ADAD2: variants seen among roughly 807,000 people sequenced by gnomAD.
ADAD2 encodes adenosine deaminase domain containing 2.
ADAD2 carries 60 observed loss-of-function variants against 54.5 expected under a neutral mutation model. The observed-to-expected ratio is 1.10, with a 90% CI of 0.89 to 1.36. ADAD2 has a LOEUF of 1.36. ADAD2 is among the 40% of genes most tolerant of loss of function. The pLI, the probability that ADAD2 is intolerant of heterozygous loss-of-function variation, is 0.00. For missense variants in ADAD2, 1,103 were observed against 801.3 expected (o/e 1.38, Z -4.54); for synonymous variants, 543 against 366.2 (o/e 1.48, Z -5.51).
At chr16:84,191,831 T>TC (rs1372586493) in intron 1 of ADAD2, 183 bp downstream of exon 1, 1 of 851,850 alleles carries the variant, frequency 1.2e-6, no homozygotes, top group Non-Finnish European at 1.9e-6. Flanking sequence ...AGCAGCGATC[T>TC]CCAAGGATCA....
chr16:84,194,051 C>G, intron 1 of ADAD2: 1 of 1,607,578 alleles, frequency 6.2e-7, no homozygotes, highest in Admixed American at 1.7e-5. Context: ...GAATTGAAAG[C>G]AATGTGTCTG....
Position 84,194,561 on chromosome 16 carries a change from CG to C in ADAD2, c.540del (p.Ser181ValfsTer20). The part of the protein sequence containing the change: ...QAALSALCYI[R>X]SQLENPESPQ... ...AGCGCTCTCTGCCCTCTGCTACATC[CG>C]GAGTCAGCTGGAGAACCCAGGTAAT... On this transcript the variant is annotated frameshift_variant, in exon 2 of 10. Transcript: ENST00000315906. LOFTEE classifies it high-confidence loss of function. The C allele has an allele frequency of 6.2e-7, 1 of 1,607,086 alleles. No homozygotes were observed. Among genetic ancestry groups the C allele is most frequent in the South Asian group, 1.1e-5 (1 of 89,528 alleles).
chr16:84,191,931 A>G lies in ADAD2; in HGVS notation c.418+283A>G, dbSNP rs1385104635. ...TCCAGGGAGGTTAAGGCCCCCTGGT[A>G]TTTCTGTATACGTTTTTAGAGCCAC... On this transcript the variant is annotated intron_variant, in intron 1 of 9. Transcript: ENST00000315906. 2.3e-5 allele frequency: 13 copies of G among 558,174 alleles called. No homozygotes were observed. The East Asian group carries it at 4.1e-4, about 18-fold the overall frequency. 34.6% of individuals were successfully genotyped at this position (558,174 alleles called of 1,614,324 possible).
chr16:84,195,740 G>T, intron 6 of ADAD2, 43 bp downstream of exon 6: 1 of 1,531,230 alleles, frequency 6.5e-7, no homozygotes. Flanking sequence ...GGGCTCCCTC[G>T]GTTGGGCTGC....
rs755121113 is a variant in ADAD2, at chr16:84,191,569, C to T, written c.339C>T (p.Ala113=). 8 of 1,549,162 alleles carry T rather than the reference C, an allele frequency of 5.2e-6. No homozygotes were observed. Among genetic ancestry groups the T allele is most frequent in the African/African-American group, 2.7e-5 (2 of 73,060 alleles). The stretch of plus-strand genomic sequence containing the variant: ...GCCTGCCGCTCAAAGACCCACCTGC[C>T]AGCCAGGCCGTGTCCTTGCTCACGG... ...GLSLPLKDPP[A]SQAVSLLTEY... The change falls in exon 1 of 10, where the codon GCC becomes GCT. Residue 113 remains alanine (A), a synonymous_variant. Coordinates refer to ENST00000315906, the MANE Select transcript of ADAD2 (RefSeq NM_001145400.2).
At position 84,195,570 on chromosome 16, in the gene ADAD2, C is replaced by T; in HGVS notation, c.925C>T (p.Pro309Ser). 6.2e-7 allele frequency: 1 copy of T among 1,601,060 alleles called. No individual in the cohort carries two copies. The highest frequency in any genetic ancestry group is 8.5e-7 in the Non-Finnish European group (1 of 1,173,948). The change falls in exon 6 of 10, where the codon CCC (proline) becomes TCC (serine). Residue 309 changes from proline (P) to serine (S), a missense_variant. Transcript: ENST00000315906. ...GCTCCTGCTGGCCACACAGGGGGGC[C>T]CCAAGGGCAAGGAGCAGTCCGTGCT... ...RQLLLATQGG[P>S]KGKEQSVLAP...
In ADAD2 at chr16:84,195,272, C is replaced by A; in HGVS notation, c.734-24C>A. The stretch of plus-strand genomic sequence containing the variant: ...CTCAAGCTCCTTGCCTTAGGCTGGG[C>A]CGTCTCTGCCCCCTCCTGCACAGAG... On this transcript the variant is annotated intron_variant, in intron 4 of 9. Transcript: ENST00000315906. The A allele has an allele frequency of 1.9e-6, 3 of 1,611,824 alleles. No homozygotes were observed. Among genetic ancestry groups the A allele is most frequent in the Non-Finnish European group, 2.5e-6 (3 of 1,179,576 alleles).
Position 84,196,202 on chromosome 16 carries a change from C to T in ADAD2, c.1358C>T (p.Pro453Leu). 6.2e-7 allele frequency: 1 copy of T among 1,610,134 alleles called. No homozygotes were observed. The highest frequency in any genetic ancestry group is 1.1e-5 in the South Asian group (1 of 91,078). Residue 453 changes from proline to leucine, a missense_variant, in exon 8 of 10, where the codon CCA (proline) becomes CTA (leucine). Coordinates refer to ENST00000315906, the MANE Select transcript of ADAD2 (RefSeq NM_001145400.2). ...CCCTGCCTGGACAGTGTCCTGGGGC[C>T]ATGCCTGCCACCTCCCTACGTCCGG... ...TRPCLDSVLG[P>L]CLPPPYVRTA... is the part of the protein sequence containing the mutation.
chr16:84,196,310 G>A lies in ADAD2; in HGVS notation c.1466G>A (p.Trp489Ter). The change falls in exon 8 of 10, where the codon TGG (tryptophan) becomes TAG (stop). Residue 489 changes from tryptophan to a stop codon, truncating the protein, a stop_gained. Coordinates refer to ENST00000315906, the MANE Select transcript of ADAD2 (RefSeq NM_001145400.2). LOFTEE classifies it high-confidence loss of function. ...PDTCRGLSLN[W>*]SLGDPGIEVV... ...ACCTGCCGTGGCCTGAGCCTCAACT[G>A]GAGCCTGGGGGACCCTGGCATCGAG... The A allele has an allele frequency of 6.2e-7, 1 of 1,612,992 alleles. No individual in the cohort carries two copies. The highest frequency in any genetic ancestry group is 8.5e-7 in the Non-Finnish European group (1 of 1,179,986).
rs1311192490 is a variant in ADAD2, at chr16:84,197,015, A to C, written c.*41A>C. ...GACCGAGGTCCCGGAGCCAAGCTGT[A>C]CCCCTGCTGGGGGAGTGCCCTATCT... On this transcript the variant is annotated 3_prime_UTR_variant, in exon 10 of 10. Transcript: ENST00000315906. 3 of 1,546,604 alleles carry C rather than the reference A, an allele frequency of 1.9e-6. No homozygotes were observed. The Admixed American group carries it at 5.9e-5, about 30-fold the overall frequency.
intron 1 of ADAD2, chr16:84,193,791 C>G (rs747111154): frequency 4.3e-6 from 2 of 465,974 alleles, no homozygotes; most frequent in African/African-American, 1.9e-5. Context: ...GGTTTTGATG[C>G]CTGTTTAGAG....
chr16:84,195,337 C>A lies in ADAD2; in HGVS notation c.775C>A (p.Leu259Met), dbSNP rs2089713629. Residue 259 changes from leucine (L) to methionine (M), a missense_variant, in exon 5 of 10, where the codon CTG (leucine) becomes ATG (methionine). Leu to Met is a conservative substitution (Grantham distance 15, BLOSUM62 2). Coordinates refer to ENST00000315906, the MANE Select transcript of ADAD2 (RefSeq NM_001145400.2). Reference protein sequence around the residue: ...ARGHVKEIYKLVALGTGSSCC... With the variant: ...ARGHVKEIYKMVALGTGSSCC... ...GGGCCACGTGAAGGAGATCTACAAG[C>A]TGGTGGCTCTGGGCACCGGCAGCAG... The A allele has an allele frequency of 6.2e-7, 1 of 1,610,556 alleles. No individual in the cohort carries two copies. Among genetic ancestry groups the A allele is most frequent in the African/African-American group, 1.3e-5 (1 of 74,932 alleles).
chr16:84,195,652 A>T lies in ADAD2; in HGVS notation c.1007A>T (p.His336Leu). The change falls in exon 6 of 10, where the codon CAC (histidine) becomes CTC (leucine). Residue 336 changes from histidine to leucine, a missense_variant. By Grantham distance (99) the His-to-Leu change is moderately conservative. Transcript: ENST00000315906. ...PFTLKPRVFL[H>L]LYISNTPKGA... ...ACCCTCAAGCCCCGCGTCTTCCTGCACCTCTACATCAGCAACACCCCCAAG... is the reference window on the plus strand; with the variant it reads ...ACCCTCAAGCCCCGCGTCTTCCTGCTCCTCTACATCAGCAACACCCCCAAG... The T allele has an allele frequency of 6.3e-7, 1 of 1,594,942 alleles. No individual in the cohort carries two copies. Among genetic ancestry groups the T allele is most frequent in the Non-Finnish European group, 8.5e-7 (1 of 1,172,216 alleles).
Position 84,196,161 on chromosome 16 carries a change from G to A in ADAD2, c.1317G>A (p.Arg439=). The change falls in exon 8 of 10, where the codon AGG becomes AGA. Residue 439 remains arginine (R), a synonymous_variant. Transcript: ENST00000315906. The part of the protein sequence containing the change: ...DSCHDPPTLS[R]AIHTRPCLDS... ...GCCACGACCCTCCGACTCTGAGCAG[G>A]GCCATCCACACCCGGCCCTGCCTGG... is the stretch of plus-strand genomic sequence containing the variant. The A allele has an allele frequency of 6.2e-7, 1 of 1,606,266 alleles. No homozygotes were observed. The highest frequency in any genetic ancestry group is 8.5e-7 in the Non-Finnish European group (1 of 1,179,874).
chr16:84,195,445 A>AG lies in ADAD2; in HGVS notation c.884+1dup. ...GGTCATCGCCCGCAGGGCCCTGCTG[A>AG]GGTGAGGGGCAGTGGGGTGGGCGCC... On this transcript the variant is annotated frameshift_variant and splice_region_variant, in exon 5 of 10. Transcript: ENST00000315906. LOFTEE classifies it high-confidence loss of function. 6.2e-7 allele frequency: 1 copy of AG among 1,609,548 alleles called. No individual in the cohort carries two copies. The highest frequency in any genetic ancestry group is 8.5e-7 in the Non-Finnish European group (1 of 1,179,142).
At position 84,195,368 on chromosome 16, in the gene ADAD2, G is replaced by A. The variant is rs749009923; in HGVS notation, c.806G>A (p.Cys269Tyr). Residue 269 changes from cysteine to tyrosine, a missense_variant, in exon 5 of 10, where the codon TGT (cysteine) becomes TAT (tyrosine). Physicochemically the swap from Cys to Tyr is radical, Grantham distance 194 (BLOSUM62 -2). Transcript: ENST00000315906. The part of the protein sequence containing the change: ...LVALGTGSSC[C>Y]AGWLEFSGQQ... ...GCTCTGGGCACCGGCAGCAGCTGCT[G>A]TGCTGGCTGGCTGGAGTTCTCGGGC... is the stretch of plus-strand genomic sequence containing the variant. The A allele has an allele frequency of 5.0e-6, 8 of 1,609,444 alleles. No individual in the cohort carries two copies. The highest frequency in any genetic ancestry group is 2.7e-5 in the African/African-American group (2 of 75,020).
At position 84,195,204 on chromosome 16, in the gene ADAD2, G is replaced by A. The variant is rs537775444; in HGVS notation, c.733+10G>A. The A allele has an allele frequency of 2.5e-5, 41 of 1,611,180 alleles. No homozygotes were observed. The highest frequency in any genetic ancestry group is 7.7e-5 in the South Asian group (7 of 90,986). On this transcript the variant is annotated intron_variant, in intron 4 of 9. Coordinates refer to ENST00000315906, the MANE Select transcript of ADAD2 (RefSeq NM_001145400.2). ...GTCATCCTGGAGAGGGGTAGGGATC[G>A]CCCCAGCCCTGGCCCTGGCCCCGGC...
At chr16:84,194,772 G>T (rs573016235) in intron 2 of ADAD2, 161 bp from the exon 3 acceptor site, 3 of 1,259,892 alleles carry the variant, frequency 2.4e-6, no homozygotes, top group Non-Finnish European at 3.3e-6. Flanking sequence ...CTGCTTTCAC[G>T]TCCTCTGGGG....
Position 84,191,310 on chromosome 16 carries a change from C to T in ADAD2, c.80C>T (p.Pro27Leu). ...PRLAASLQIS[P>L]QPRPWRPLPA... is the part of the protein sequence containing the mutation. ...CTGGCTGCATCGTTGCAGATCAGCC[C>T]CCAGCCCCGCCCCTGGCGACCGCTA... Residue 27 changes from proline to leucine, a missense_variant, in exon 1 of 10, where the codon CCC becomes CTC. Transcript: ENST00000315906. The T allele has an allele frequency of 6.3e-7, 1 of 1,588,900 alleles. No homozygotes were observed.
Sources: gnomAD v4.1 joint callset for allele counts on GRCh38, gnomAD v4.1.1 for gene constraint, MANE v1.5 for transcripts, NCBI Gene and HGNC (gene_info 2026-07-23, HGNC 2026-07-21) for gene names.